The following MYO5A variants were observed in gnomAD, a reference collection of about 807,000 sequenced individuals.
The protein encoded by MYO5A is unconventional myosin-Va.
MYO5A carries 98 observed loss-of-function variants against 249.7 expected under a neutral mutation model. That is an observed-to-expected ratio of 0.39 (90% CI 0.33 to 0.46). The LOEUF is 0.46. Ranked by LOEUF, MYO5A falls within the 20% of genes least tolerant of loss-of-function variation. The pLI is 0.98. For missense variants in MYO5A, 1,696 were observed against 2,308.8 expected, an observed-to-expected ratio of 0.73 and a Z score of 5.44; for synonymous variants, 778 against 810.6, an observed-to-expected ratio of 0.96 and a Z score of 0.68.
rs1296731918 is a variant in MYO5A at position 52,313,787 on chromosome 15, G to A, written c.5552C>T (p.Pro1851Leu). The change falls in exon 42 of 42, where the codon CCT (proline) becomes CTT (leucine). Residue 1851 changes from proline to leucine, a missense_variant. Transcript: ENST00000399233. Reference protein sequence around the residue: ...QLLMDAKHIFPVTFPFNPSSL... With the variant: ...QLLMDAKHIFLVTFPFNPSSL... ...AGATGGGTTGAAAGGAAAGGTGACA[G>A]GAAAGATGTGTTTAGCATCCATGAG... The A allele has an allele frequency of 6.2e-7, 1 of 1,614,110 alleles. No homozygotes were observed.
rs138233769 is a variant in MYO5A at position 52,420,642 on chromosome 15, G to A, written c.456-4341C>T. 4.5e-4 allele frequency among the ~76,000 whole-genome samples: 68 copies of A among 152,218 alleles called. 1 individual carries two copies. The East Asian group carries it at 7.1e-3, about 16-fold the overall frequency. On this transcript the variant is annotated intron_variant, in intron 4 of 41. Coordinates refer to ENST00000399233, the MANE Select transcript of MYO5A (RefSeq NM_001382347.1). Reference sequence around the variant, plus strand: ...AAACAGACTAAGATACTCATATAATGGAGAATTCTAAAGAGAAATCATTTA... The same window carrying A: ...AAACAGACTAAGATACTCATATAATAGAGAATTCTAAAGAGAAATCATTTA...
chr15:52,505,835 T>A lies in MYO5A; in HGVS notation c.27+22945A>T. On this transcript the variant is annotated intron_variant, in intron 1 of 41. Coordinates refer to ENST00000399233, the MANE Select transcript of MYO5A (RefSeq NM_001382347.1). Reference sequence around the variant, plus strand: ...GCGTTTGAGGACTATGTGCAGCCCATGGATGTGGCTGCTTTCAACAAGATC... The same window carrying A: ...GCGTTTGAGGACTATGTGCAGCCCAAGGATGTGGCTGCTTTCAACAAGATC... 3.8e-6 allele frequency: 6 copies of A among 1,589,140 alleles called. No homozygotes were observed. The South Asian group carries it at 5.6e-5, about 15-fold the overall frequency.
intron 1 of MYO5A, among the ~76,000 whole-genome samples, chr15:52,474,097 G>A (rs2076537301): frequency 6.6e-6 from 1 of 152,126 alleles, no homozygotes; most frequent in Non-Finnish European, 1.5e-5. Context: ...CCTTGAAGAG[G>A]TCCTTCATGT....
At chr15:52,366,629 CAAAAAA>C (rs60631867) in intron 23 of MYO5A, among the ~76,000 whole-genome samples, 26 of 74,562 alleles carry the variant, frequency 3.5e-4, no homozygotes, top group East Asian at 1.4e-3. Context: ...ATTGATTTAG[CAAAAAA>C]AAAAAAAAAA....
At chr15:52,353,543 C>A in intron 27 of MYO5A, 62 bp downstream of exon 27, 1 of 1,386,476 alleles carries the variant, frequency 7.2e-7, no homozygotes, top group Non-Finnish European at 1.0e-6. Context: ...AAAAGAGAGG[C>A]TCTGAATGGG....
At chr15:52,431,212 AC>A (rs2075525580) in intron 2 of MYO5A, among the ~76,000 whole-genome samples, 1 of 63,450 alleles carries the variant, frequency 1.6e-5, no homozygotes, top group Non-Finnish European at 3.0e-5. Context: ...AGCCTGGGTG[AC>A]AGAGCAAAAT....
intron 32 of MYO5A, among the ~76,000 whole-genome samples, chr15:52,339,486 T>C (rs2039280629): frequency 6.6e-6 from 1 of 151,102 alleles, no homozygotes; most frequent in Admixed American, 6.6e-5. Flanking sequence ...AGTTATTATG[T>C]GACTGAGAAA....
In MYO5A at chr15:52,320,258, G is replaced by A. The variant is rs374294888; in HGVS notation, c.4952-916C>T. Among the ~76,000 whole-genome samples the A allele has an allele frequency of 1.1e-4, 16 of 152,288 alleles. No homozygotes were observed. The East Asian group carries it at 2.9e-3, about 28-fold the overall frequency. On this transcript the variant is annotated intron_variant, in intron 38 of 41. Transcript: ENST00000399233. ...AATGTTTCTGAGATGTCCACTCCCT[G>A]ACAGCAAGCCCCTTGAGAGCAAAGG... is the stretch of plus-strand genomic sequence containing the variant.
rs748557808 is a variant in MYO5A, at chr15:52,313,899, A to C, written c.5491-51T>G. 3 of 1,603,418 alleles carry C rather than the reference A, an allele frequency of 1.9e-6. No homozygotes were observed. The South Asian group carries it at 3.3e-5, about 18-fold the overall frequency. On this transcript the variant is annotated intron_variant, in intron 41 of 41. Transcript: ENST00000399233. The stretch of plus-strand genomic sequence containing the variant: ...ACAGAGCATCAGTTCTTTGAATCTA[A>C]AAGACTTTTTTCTACTAAAATTTCT...
At chr15:52,353,429 T>G (rs757837233) in intron 27 of MYO5A, among the ~76,000 whole-genome samples, 176 bp downstream of exon 27, 16 of 152,336 alleles carry the variant, frequency 1.1e-4, no homozygotes, top group African/African-American at 3.8e-4. Context: ...CTAGCTTATA[T>G]GAAATGGAAT....
chr15:52,338,136 G>A (rs1446165236), intron 32 of MYO5A, among the ~76,000 whole-genome samples: 2 of 150,458 alleles, frequency 1.3e-5, no homozygotes, highest in African/African-American at 5.0e-5. Context: ...CACTTAGCAG[G>A]CCCAGATAAG....
intron 35 of MYO5A, among the ~76,000 whole-genome samples, chr15:52,328,459 C>T (rs1477001736): frequency 6.6e-6 from 1 of 152,198 alleles, no homozygotes; most frequent in African/African-American, 2.4e-5. Flanking sequence ...TCCAATCCAT[C>T]AACAAACCCT....
chr15:52,508,176 T>G (rs1289683982), intron 1 of MYO5A, among the ~76,000 whole-genome samples: 5 of 152,232 alleles, frequency 3.3e-5, no homozygotes, highest in Non-Finnish European at 7.3e-5. Flanking sequence ...TTCAAATTTG[T>G]AAAGTTTAAC....
chr15:52,362,809 G>T (rs919874240), intron 24 of MYO5A, among the ~76,000 whole-genome samples: 2 of 152,202 alleles, frequency 1.3e-5, no homozygotes, highest in Admixed American at 1.3e-4. Flanking sequence ...GACCTTTCTA[G>T]AAATGGCCAC....
intron 40 of MYO5A, among the ~76,000 whole-genome samples, chr15:52,315,228 T>C (rs1477684363): frequency 1.3e-5 from 2 of 152,228 alleles, no homozygotes; most frequent in South Asian, 2.1e-4. Context: ...TTCTATAAAG[T>C]TGGGCTTCCT....
intron 1 of MYO5A, among the ~76,000 whole-genome samples, chr15:52,463,508 T>G (rs995901778): frequency 6.6e-6 from 1 of 152,138 alleles, no homozygotes; most frequent in African/African-American, 2.4e-5. Context: ...CTGTACTCAT[T>G]TTTTCCTCAT....
chr15:52,360,777 C>T (rs138982667), intron 24 of MYO5A, among the ~76,000 whole-genome samples: 27 of 152,188 alleles, frequency 1.8e-4, no homozygotes, highest in East Asian at 1.2e-3. Context: ...AGTTTAGCAA[C>T]GACACACCCT....
At chr15:52,461,917 C>T (rs971265827) in intron 1 of MYO5A, among the ~76,000 whole-genome samples, 3 of 141,930 alleles carry the variant, frequency 2.1e-5, no homozygotes, top group Non-Finnish European at 3.1e-5. Context: ...GCTGAGATCG[C>T]GCCACTGTAC....
chr15:52,512,514 TAA>T (rs1299809002), intron 1 of MYO5A, among the ~76,000 whole-genome samples: 1 of 147,258 alleles, frequency 6.8e-6, no homozygotes, highest in Non-Finnish European at 1.5e-5. Context: ...ATCATTTCGC[TAA>T]AAAATATATA....
Sources: gnomAD v4.1 joint callset for allele counts (sites outside exome capture counted in the v4.1 genomes callset) on GRCh38, gnomAD v4.1.1 for gene constraint, MANE v1.5 for transcripts, NCBI Gene and HGNC (gene_info 2026-07-23, HGNC 2026-07-21) for gene names.